Variants in ARHGAP10 observed in about 807,000 individuals in gnomAD.
ARHGAP10 encodes the protein Rho GTPase activating protein 10.
A neutral mutation model predicts 108.6 loss-of-function variants in ARHGAP10; 87 were observed. The observed-to-expected ratio is 0.80, with a 90% confidence interval of 0.67 to 0.96. The LOEUF (loss-of-function observed/expected upper bound fraction) is 0.96, where lower values mean the gene tolerates loss of function less well. Among genes scored for constraint, ARHGAP10 ranks in the 40% least tolerant of loss-of-function variants. The pLI, the probability that ARHGAP10 is intolerant of heterozygous loss-of-function variation, is 0.00. For missense variants in ARHGAP10, 939 were observed against 954.5 expected, an observed-to-expected ratio of 0.98 and a Z score of 0.21; for synonymous variants, 347 against 341.1, an observed-to-expected ratio of 1.02 and a Z score of -0.19.
intron 3 of ARHGAP10, among the ~76,000 whole-genome samples, chr4:147,829,285 C>G (rs562657430): frequency 6.6e-6 from 1 of 152,012 alleles, no homozygotes; most frequent in Non-Finnish European, 1.5e-5. Flanking sequence ...ATCTCCTGAC[C>G]TTGTGATCTT....
chr4:147,909,675 T>G, intron 11 of ARHGAP10, 57 bp from the exon 12 acceptor site: 1 of 1,450,232 alleles, frequency 6.9e-7, no homozygotes, highest in Non-Finnish European at 9.7e-7. Flanking sequence ...TGTGCCTACT[T>G]GAATAATTTT....
intron 1 of ARHGAP10, among the ~76,000 whole-genome samples, chr4:147,810,866 T>TACTAATTG (rs1205446362): frequency 7.2e-5 from 11 of 152,194 alleles, no homozygotes; most frequent in Non-Finnish European, 1.5e-4. Flanking sequence ...ACTCAACAAA[T>TACTAATTG]ACTAATTGAG....
intron 10 of ARHGAP10, among the ~76,000 whole-genome samples, chr4:147,903,596 T>C (rs1331028037): frequency 6.6e-6 from 1 of 152,198 alleles, no homozygotes; most frequent in Admixed American, 6.5e-5. Flanking sequence ...CCTAAAAATC[T>C]TGTGCTCCAC....
intron 1 of ARHGAP10, among the ~76,000 whole-genome samples, chr4:147,814,689 G>GTC (rs1233686478): frequency 1.3e-5 from 2 of 152,104 alleles, no homozygotes; most frequent in African/African-American, 4.8e-5. Context: ...GTCATTGAGC[G>GTC]TAACTTCCAT....
At chr4:148,062,492 T>G (rs1052590752) in intron 20 of ARHGAP10, among the ~76,000 whole-genome samples, 1 of 152,178 alleles carries the variant, frequency 6.6e-6, no homozygotes, top group Non-Finnish European at 1.5e-5. Context: ...TGAAGAGTAA[T>G]TCAGATTAAC....
chr4:147,779,526 AG>A (rs1453720363), intron 1 of ARHGAP10, among the ~76,000 whole-genome samples: 12 of 152,184 alleles, frequency 7.9e-5, no homozygotes, highest in Non-Finnish European at 1.6e-4. Context: ...GGATTATCTC[AG>A]GAGTGCATTT....
At chr4:147,831,043 C>A (rs887127076) in intron 3 of ARHGAP10, among the ~76,000 whole-genome samples, 6 of 152,212 alleles carry the variant, frequency 3.9e-5, no homozygotes, top group African/African-American at 1.4e-4. Flanking sequence ...TTCTCAGGCC[C>A]ACCCCAGAAC....
intron 1 of ARHGAP10, among the ~76,000 whole-genome samples, chr4:147,768,890 T>C (rs567904543): frequency 2.0e-4 from 30 of 152,036 alleles, no homozygotes; most frequent in African/African-American, 6.7e-4. Context: ...AGGCACACAC[T>C]ACTATACCTG....
At chr4:147,838,982 G>A (rs982968304) in intron 3 of ARHGAP10, among the ~76,000 whole-genome samples, 2 of 152,132 alleles carry the variant, frequency 1.3e-5, no homozygotes, top group Non-Finnish European at 2.9e-5. Context: ...TCAAAATAAT[G>A]GGAAAGTCCA....
intron 1 of ARHGAP10, among the ~76,000 whole-genome samples, chr4:147,789,473 G>A (rs571100446): frequency 3.9e-5 from 6 of 152,262 alleles, no homozygotes; most frequent in African/African-American, 1.4e-4. Context: ...TGTATTTTTA[G>A]TAGAGATAGG....
intron 13 of ARHGAP10, among the ~76,000 whole-genome samples, chr4:147,930,045 G>A (rs2164530): frequency 0.12 from 17,687 of 152,060 alleles, 2,273 homozygotes; most frequent in East Asian, 0.3. Context: ...ATGACCTTTT[G>A]CCCCTGTTGT....
chr4:147,873,888 A>C, intron 7 of ARHGAP10, among the ~76,000 whole-genome samples: 1 of 148,396 alleles, frequency 6.7e-6, no homozygotes, highest in Non-Finnish European at 1.5e-5. Context: ...AAAAAAAAAA[A>C]AGGGGGGATA....
intron 18 of ARHGAP10, among the ~76,000 whole-genome samples, chr4:148,007,412 A>G (rs1225436588): frequency 1.3e-5 from 2 of 152,172 alleles, no homozygotes; most frequent in African/African-American, 4.8e-5. Flanking sequence ...TCAGGGATGG[A>G]GGAAGAAGAG....
At chr4:147,847,130 G>C (rs1348121546) in intron 3 of ARHGAP10, 21 bp from the exon 4 acceptor site, 1 of 1,600,382 alleles carries the variant, frequency 6.2e-7, no homozygotes, top group Non-Finnish European at 8.6e-7. Context: ...GTGCTCTTTT[G>C]TTATCACTCT....
At chr4:147,906,845 C>T (rs1273976292) in intron 11 of ARHGAP10, 126 bp downstream of exon 11, 42 of 1,097,004 alleles carry the variant, frequency 3.8e-5, no homozygotes, top group African/African-American at 4.7e-5. Context: ...CAAAAATCAT[C>T]GTGGAAGCAT....
intron 20 of ARHGAP10, among the ~76,000 whole-genome samples, chr4:148,061,824 G>C (rs900396111): frequency 3.9e-5 from 6 of 152,190 alleles, no homozygotes; most frequent in African/African-American, 1.4e-4. Flanking sequence ...AAGAGTTAAA[G>C]ATCTTCCTGT....
intron 5 of ARHGAP10, chr4:147,862,737 C>T (rs1358287093): frequency 1.3e-5 from 2 of 152,200 alleles, no homozygotes; most frequent in East Asian, 3.8e-4. Context: ...AGAGAATTTA[C>T]TAAAAGATAA....
chr4:147,904,731 C>A (rs1354643739), intron 10 of ARHGAP10, among the ~76,000 whole-genome samples: 2 of 152,098 alleles, frequency 1.3e-5, no homozygotes, highest in African/African-American at 4.8e-5. Context: ...ATTTATAGTC[C>A]TTTGGGTATA....
At chr4:147,966,324 C>G (rs1739199947) in intron 17 of ARHGAP10, among the ~76,000 whole-genome samples, 1 of 152,214 alleles carries the variant, frequency 6.6e-6, no homozygotes, top group Admixed American at 6.5e-5. Context: ...TGAGGGTTGA[C>G]TTTTCTTTAT....
Sources: gnomAD v4.1 joint callset for allele counts (sites outside exome capture counted in the v4.1 genomes callset) on GRCh38, gnomAD v4.1.1 for gene constraint, MANE v1.5 for transcripts, NCBI Gene and HGNC (gene_info 2026-07-23, HGNC 2026-07-21) for gene names.